Variants in ADGRV1 observed in about 807,000 individuals in gnomAD.
The protein encoded by ADGRV1 is adhesion G protein-coupled receptor V1.
ADGRV1 carries 359 observed loss-of-function variants against 596.2 expected under a neutral mutation model. That is an observed-to-expected ratio of 0.60 (90% CI 0.55 to 0.66). The LOEUF (loss-of-function observed/expected upper bound fraction) is 0.66, where lower values mean the gene tolerates loss of function less well. ADGRV1 is among the 30% of genes least tolerant of loss of function. The pLI is 0.00. For synonymous variants in ADGRV1, 2,681 were observed against 2,679.2 expected, an observed-to-expected ratio of 1.00 and a Z score of -0.02; for missense variants, 7,274 against 7,575.6, an observed-to-expected ratio of 0.96 and a Z score of 1.48.
intron 87 of ADGRV1, among the ~76,000 whole-genome samples, chr5:91,125,277 G>A (rs1167387687): frequency 3.3e-5 from 5 of 152,182 alleles, no homozygotes; most frequent in Admixed American, 6.5e-5. Flanking sequence ...CTGACATGGC[G>A]TACAAACAGT....
At chr5:91,142,111 T>A (rs1224850645) in intron 87 of ADGRV1, among the ~76,000 whole-genome samples, 1 of 152,178 alleles carries the variant, frequency 6.6e-6, no homozygotes, top group African/African-American at 2.4e-5. Context: ...AATACCTAGC[T>A]ATAGTGGTGA....
intron 84 of ADGRV1, among the ~76,000 whole-genome samples, chr5:90,972,722 T>C (rs1458496456): frequency 6.6e-6 from 1 of 152,106 alleles, no homozygotes; most frequent in Non-Finnish European, 1.5e-5. Flanking sequence ...GGGAAATTTA[T>C]AGCACTAAAT....
In ADGRV1 at chr5:90,791,147, T is replaced by G. The variant is rs1760025725; in HGVS notation, c.14318T>G (p.Ile4773Arg). 1.2e-6 allele frequency: 2 copies of G among 1,613,866 alleles called. No individual in the cohort carries two copies. The highest frequency in any genetic ancestry group is 1.7e-6 in the Non-Finnish European group (2 of 1,179,902). The change falls in exon 70 of 90, where the codon ATA becomes AGA. Residue 4773 changes from isoleucine (I) to arginine (R), a missense_variant. Physicochemically the swap from Ile to Arg is moderately conservative, Grantham distance 97 (BLOSUM62 -3). Coordinates refer to ENST00000405460, the MANE Select transcript of ADGRV1 (RefSeq NM_032119.4). ...GCCCTGTATTCGGATCGCCAGTCAA[T>G]ACTTATTGGGCAGAACCTTATTAGA... Reference protein sequence around the residue: ...VFALYSDRQSILIGQNLIRSI... With the variant: ...VFALYSDRQSRLIGQNLIRSI...
intron 1 of ADGRV1, among the ~76,000 whole-genome samples, chr5:90,593,336 C>T (rs1392558796): frequency 6.6e-6 from 1 of 152,010 alleles, no homozygotes; most frequent in Non-Finnish European, 1.5e-5. Context: ...TCATTCTGAA[C>T]AAACTATCAC....
At position 90,642,798 on chromosome 5, in the gene ADGRV1, C is replaced by T. The variant is rs747912589; in HGVS notation, c.2367+36C>T. ...AAAAAACTTCCATTTATTCTGTGCT[C>T]ACAACTTTAGAAGAATGATCTCAAA... is the stretch of plus-strand genomic sequence containing the variant. On this transcript the variant is annotated intron_variant, in intron 12 of 89. Transcript: ENST00000405460. 15 of 1,605,330 alleles carry T rather than the reference C, an allele frequency of 9.3e-6. No homozygotes were observed. In the South Asian group the frequency reaches 1.6e-4, roughly 17 times the overall value.
chr5:91,155,701 A>G (rs1284587965), intron 89 of ADGRV1, among the ~76,000 whole-genome samples: 2 of 152,226 alleles, frequency 1.3e-5, no homozygotes, highest in Non-Finnish European at 1.5e-5. Flanking sequence ...GATACTTTGC[A>G]TAATATTAAA....
intron 1 of ADGRV1, among the ~76,000 whole-genome samples, chr5:90,572,011 A>G (rs13162241): frequency 0.012 from 1,762 of 152,218 alleles, 13 homozygotes; most frequent in Non-Finnish European, 0.019. Flanking sequence ...GGATTTTAGG[A>G]GGTCCTTACC....
intron 29 of ADGRV1, among the ~76,000 whole-genome samples, chr5:90,686,828 C>A (rs1342908453): frequency 6.6e-6 from 1 of 152,086 alleles, no homozygotes; most frequent in Non-Finnish European, 1.5e-5. Flanking sequence ...TACAGTCCCA[C>A]CAACAGTGTA....
chr5:91,142,079 A>G (rs1025255518), intron 87 of ADGRV1, among the ~76,000 whole-genome samples: 1 of 152,232 alleles, frequency 6.6e-6, no homozygotes, highest in Non-Finnish European at 1.5e-5. Context: ...CTGAAACAAA[A>G]GTAGTATTGA....
intron 83 of ADGRV1, among the ~76,000 whole-genome samples, chr5:90,895,277 GAGAC>G (rs1771202233): frequency 6.6e-6 from 1 of 152,168 alleles, no homozygotes; most frequent in African/African-American, 2.4e-5. Context: ...CTTGGCATTT[GAGAC>G]AGAATGAAGG....
intron 65 of ADGRV1, among the ~76,000 whole-genome samples, chr5:90,782,532 G>T (rs1561719199): frequency 6.6e-6 from 1 of 152,020 alleles, no homozygotes; most frequent in East Asian, 1.9e-4. Flanking sequence ...TTAATATGCA[G>T]AATTTAGCAT....
At chr5:90,638,008 T>C in intron 11 of ADGRV1, 60 bp downstream of exon 11, 1 of 1,239,042 alleles carries the variant, frequency 8.1e-7, no homozygotes, top group Non-Finnish European at 1.1e-6. Context: ...TTCAATAACT[T>C]TGATTTTTTT....
rs751247394 is a variant in ADGRV1 at position 90,783,248 on chromosome 5, G to T, written c.13356G>T (p.Leu4452Phe). Residue 4452 changes from leucine (L) to phenylalanine (F), a missense_variant, in exon 66 of 90, where the codon TTG (leucine) becomes TTT (phenylalanine). This residue lies in a region of ADGRV1 where 3,643 missense variants were observed against 3,809.2 expected (regional missense o/e 0.96). Transcript: ENST00000405460. ...GTCCCGGAGGTGTTGATTACATTTTGCATGGCAGTACAGTCACCTTTCAGC... is the reference window on the plus strand; with the variant it reads ...GTCCCGGAGGTGTTGATTACATTTTTCATGGCAGTACAGTCACCTTTCAGC... Reference protein sequence around the residue: ...SASPGGVDYILHGSTVTFQHG... With the variant: ...SASPGGVDYIFHGSTVTFQHG... The T allele has an allele frequency of 1.2e-6, 2 of 1,613,588 alleles. No homozygotes were observed. The highest frequency in any genetic ancestry group is 1.7e-6 in the Non-Finnish European group (2 of 1,179,634).
chr5:91,078,922 T>C (rs1039687083), intron 86 of ADGRV1, among the ~76,000 whole-genome samples: 2 of 152,238 alleles, frequency 1.3e-5, no homozygotes, highest in African/African-American at 4.8e-5. Context: ...TTCAATATCC[T>C]CATTATTCTC....
intron 83 of ADGRV1, among the ~76,000 whole-genome samples, chr5:90,957,533 T>C (rs894373600): frequency 2.0e-5 from 3 of 147,136 alleles, no homozygotes; most frequent in Non-Finnish European, 4.5e-5. Flanking sequence ...CTAATTTTGC[T>C]TCCTTTTTCT....
chr5:90,570,585 C>CT (rs1756393477), intron 1 of ADGRV1, among the ~76,000 whole-genome samples: 1 of 152,024 alleles, frequency 6.6e-6, no homozygotes, highest in Admixed American at 6.6e-5. Context: ...TTGTGGAGTC[C>CT]TATAGGACTC....
chr5:90,947,198 A>G (rs998176421), intron 83 of ADGRV1, among the ~76,000 whole-genome samples: 1 of 152,148 alleles, frequency 6.6e-6, no homozygotes, highest in African/African-American at 2.4e-5. Flanking sequence ...ATGAGACGGT[A>G]TCTCATTGTG....
chr5:91,075,753 A>G (rs1256115614), intron 86 of ADGRV1, among the ~76,000 whole-genome samples: 1 of 152,078 alleles, frequency 6.6e-6, no homozygotes, highest in Non-Finnish European at 1.5e-5. Flanking sequence ...TTAAAAATAT[A>G]AAGTGGATTT....
At chr5:91,025,809 A>AATC (rs1783977090) in intron 85 of ADGRV1, among the ~76,000 whole-genome samples, 5 of 152,196 alleles carry the variant, frequency 3.3e-5, no homozygotes, top group Non-Finnish European at 7.3e-5. Flanking sequence ...CTGTTGTTTC[A>AATC]CTGTGATCAA....
Sources: gnomAD v4.1 joint callset for allele counts (sites outside exome capture counted in the v4.1 genomes callset) on GRCh38, gnomAD v4.1.1 for gene constraint, gnomAD v4.1.1 regional missense constraint, MANE v1.5 for transcripts, NCBI Gene and HGNC (gene_info 2026-07-23, HGNC 2026-07-21) for gene names.